The following PTK2 variants were observed in gnomAD, a reference collection of about 807,000 sequenced individuals.
PTK2 encodes the protein protein tyrosine kinase 2, also known as focal adhesion kinase 1.
In PTK2, 45 loss-of-function variants were observed where a neutral mutation model predicts 150.1. The observed-to-expected ratio is 0.30, with a 90% CI of 0.24 to 0.38. The LOEUF is 0.38. PTK2 is among the 10% of genes least tolerant of loss of function. The probability of loss-of-function intolerance (pLI) is 1.00; values close to 1 mark genes in which losing one functional copy is unlikely to be tolerated. For missense variants in PTK2, 919 were observed against 1,307.3 expected, an observed-to-expected ratio of 0.70 and a Z score of 4.58; for synonymous variants, 432 against 449.2, an observed-to-expected ratio of 0.96 and a Z score of 0.48.
At chr8:140,698,932 T>A (rs577071551) in intron 26 of PTK2, among the ~76,000 whole-genome samples, 11 of 147,362 alleles carry the variant, frequency 7.5e-5, no homozygotes, top group Non-Finnish European at 1.1e-4. Context: ...GTATTTTTTT[T>A]TTTTTTTTTT....
At chr8:140,669,796 A>G in intron 29 of PTK2, 61 bp from the exon 33 acceptor site, 1 of 1,473,042 alleles carries the variant, frequency 6.8e-7, no homozygotes, top group Non-Finnish European at 9.2e-7. Context: ...GGGAAAAAAG[A>G]AAAACAATAT....
chr8:140,667,438 T>A (rs1410526712), intron 30 of PTK2, among the ~76,000 whole-genome samples: 1 of 148,874 alleles, frequency 6.7e-6, no homozygotes, highest in Non-Finnish European at 1.5e-5. Flanking sequence ...TTGGACCTAG[T>A]GTCCTCTTTC....
Position 140,795,382 on chromosome 8 carries a change from G to A in PTK2, c.1094-1998C>T, listed in dbSNP as rs532526941. ...AGGCATTCTAGTGACCTGGGTCTCT[G>A]CTGTTCCAGGCATGCTTCCTAGCAC... On this transcript the variant is annotated intron_variant, in intron 12 of 31. Coordinates refer to ENST00000522684, the Ensembl canonical transcript of PTK2. 1.8e-4 allele frequency among the ~76,000 whole-genome samples: 28 copies of A among 152,240 alleles called. No individual in the cohort carries two copies. The South Asian group carries it at 5.4e-3, about 29-fold the overall frequency.
intron 7 of PTK2, among the ~76,000 whole-genome samples, chr8:140,843,840 G>A (rs1347379437): frequency 1.3e-5 from 2 of 152,120 alleles, no homozygotes; most frequent in Admixed American, 6.6e-5. Flanking sequence ...TAATAAACCA[G>A]TATGGATATA....
chr8:140,814,625 C>G (rs1382136639), intron 10 of PTK2, among the ~76,000 whole-genome samples: 2 of 152,062 alleles, frequency 1.3e-5, no homozygotes, highest in Non-Finnish European at 2.9e-5. Context: ...TGTTAAAACA[C>G]CTCAATGAAC....
At chr8:140,694,621 C>T (rs766484002) in intron 26 of PTK2, among the ~76,000 whole-genome samples, 24 of 152,218 alleles carry the variant, frequency 1.6e-4, no homozygotes, top group South Asian at 4.1e-4. Flanking sequence ...GTAGGTGCAG[C>T]GGCCTGGCCT....
intron 15 of PTK2, among the ~76,000 whole-genome samples, chr8:140,763,514 A>G (rs1277931756): frequency 6.6e-6 from 1 of 152,116 alleles, no homozygotes; most frequent in Admixed American, 6.6e-5. Context: ...TTAAGAAATA[A>G]ATTTCTTTTT....
At chr8:140,944,765 A>G (rs942653905) in intron 1 of PTK2, among the ~76,000 whole-genome samples, 12 of 152,226 alleles carry the variant, frequency 7.9e-5, no homozygotes, top group African/African-American at 2.9e-4. Flanking sequence ...CGGCCTGACC[A>G]TCCATGAGAA....
chr8:140,897,675 C>A (rs2100156827), intron 2 of PTK2, among the ~76,000 whole-genome samples: 1 of 152,138 alleles, frequency 6.6e-6, no homozygotes, highest in African/African-American at 2.4e-5. Context: ...TGACAAGTCC[C>A]AAGAGTTGCT....
intron 10 of PTK2, among the ~76,000 whole-genome samples, chr8:140,806,723 T>G (rs2100098354): frequency 6.6e-6 from 1 of 152,196 alleles, no homozygotes; most frequent in Admixed American, 6.5e-5. Context: ...TGCGTCTGAC[T>G]AGAGTGCCTT....
chr8:140,784,665 G>A (rs2100083830), intron 14 of PTK2, among the ~76,000 whole-genome samples: 2 of 152,000 alleles, frequency 1.3e-5, no homozygotes, highest in Non-Finnish European at 1.5e-5. Flanking sequence ...TTTCAGATAT[G>A]TTCCAAGTTG....
At chr8:140,792,023 G>A (rs757991845) in intron 13 of PTK2, among the ~76,000 whole-genome samples, 10 of 152,126 alleles carry the variant, frequency 6.6e-5, no homozygotes, top group Non-Finnish European at 1.3e-4. Context: ...CACAGAGCAC[G>A]GACAGGCTAA....
chr8:140,987,649 T>C (rs932029031), intron 1 of PTK2, among the ~76,000 whole-genome samples: 1 of 152,158 alleles, frequency 6.6e-6, no homozygotes, highest in Admixed American at 6.5e-5. Context: ...AGACTGACAA[T>C]AACGAGTGTT....
At chr8:140,990,232 ATTTTT>A (rs11312570) in intron 1 of PTK2, among the ~76,000 whole-genome samples, 8 of 146,808 alleles carry the variant, frequency 5.4e-5, no homozygotes, top group Non-Finnish European at 1.1e-4. Context: ...TCCTTGACCA[ATTTTT>A]TTTTTTTTTT....
chr8:140,788,025 G>C (rs1340072841), intron 14 of PTK2, among the ~76,000 whole-genome samples: 1 of 152,198 alleles, frequency 6.6e-6, no homozygotes, highest in Non-Finnish European at 1.5e-5. Context: ...GGCCTGGCAA[G>C]TTTGCCAATT....
Position 140,726,853 on chromosome 8 carries a change from G to T in PTK2, c.2030+8398C>A, listed in dbSNP as rs1319587981. Reference sequence around the variant, plus strand: ...TGAGTTTGCTTACTTTATTTAAAATGGTATTTAAGATAAAAATCATAAACT... The same window carrying T: ...TGAGTTTGCTTACTTTATTTAAAATTGTATTTAAGATAAAAATCATAAACT... On this transcript the variant is annotated intron_variant, in intron 22 of 31. Transcript: ENST00000522684. 3.9e-5 allele frequency among the ~76,000 whole-genome samples: 6 copies of T among 152,102 alleles called. No homozygotes were observed. In the South Asian group the frequency reaches 6.2e-4, roughly 16 times the overall value.
At chr8:140,797,407 G>A (rs1285431341) in intron 12 of PTK2, among the ~76,000 whole-genome samples, 6 of 152,108 alleles carry the variant, frequency 3.9e-5, no homozygotes, top group Non-Finnish European at 5.9e-5. Flanking sequence ...TAAACGAAAC[G>A]TTTTAATTAT....
chr8:140,789,325 A>C, intron 14 of PTK2, 149 bp downstream of exon 14: 1 of 648,488 alleles, frequency 1.5e-6, no homozygotes, highest in Non-Finnish European at 2.4e-6. Flanking sequence ...AAACTATTTA[A>C]TGATGGTAAA....
intron 1 of PTK2, among the ~76,000 whole-genome samples, chr8:140,938,689 G>T (rs569539955): frequency 6.6e-6 from 1 of 152,142 alleles, no homozygotes; most frequent in Non-Finnish European, 1.5e-5. Context: ...AAACAACTCC[G>T]CACCACCCCT....
Sources: allele counts gnomAD v4.1 joint callset (sites outside exome capture counted in the v4.1 genomes callset), GRCh38; gene constraint gnomAD v4.1.1; transcripts MANE v1.5; gene names NCBI Gene and HGNC (gene_info 2026-07-23, HGNC 2026-07-21).